The following PCDHGA9 variants were observed in gnomAD, a reference collection of about 807,000 sequenced individuals.
PCDHGA9 encodes the protein protocadherin gamma subfamily A, 9.
A neutral mutation model predicts 62.5 loss-of-function variants in PCDHGA9; 37 were observed. That is an observed-to-expected ratio of 0.59 (90% CI 0.46 to 0.78). The LOEUF (loss-of-function observed/expected upper bound fraction) is 0.78. Among genes scored for constraint, PCDHGA9 ranks in the 30% least tolerant of loss-of-function variants. The probability of loss-of-function intolerance (pLI) is 0.00; values close to 1 mark genes in which losing one functional copy is unlikely to be tolerated. For missense variants in PCDHGA9, 1,138 were observed against 1,166.2 expected (o/e 0.98, Z 0.35); for synonymous variants, 459 against 484.6 (o/e 0.95, Z 0.69).
In PCDHGA9 at chr5:141,461,830, C is replaced by CT. The variant is rs1030113508; in HGVS notation, c.2425-32967dup. On this transcript the variant is annotated intron_variant, in intron 1 of 3. Transcript: ENST00000573521. Reference sequence around the variant, plus strand: ...CACCACACCCAGCTAATTTTTTTTTCTTTTTTTTTTGAGACAGAGTTTTGC... The same window carrying CT: ...CACCACACCCAGCTAATTTTTTTTTCTTTTTTTTTTTGAGACAGAGTTTTGC... Among the ~76,000 whole-genome samples, 192 of 145,246 alleles carry CT rather than the reference C, an allele frequency of 1.3e-3. 1 individual carries two copies. In the Middle Eastern group the frequency reaches 0.022, roughly 16 times the overall value.
rs761396116 is a variant in PCDHGA9 at position 141,409,790 on chromosome 5, C to T, written c.2424+4414C>T. 4 of 1,612,010 alleles carry T rather than the reference C, an allele frequency of 2.5e-6. No homozygotes were observed. The Admixed American group carries it at 5.0e-5, about 20-fold the overall frequency. ...TCACGAGCAGCTGCGCGCCTTCGCGCTCACGCTGCAGGCCCGCGACCACGG... is the reference window on the plus strand; with the variant it reads ...TCACGAGCAGCTGCGCGCCTTCGCGTTCACGCTGCAGGCCCGCGACCACGG... On this transcript the variant is annotated intron_variant, in intron 1 of 3. Transcript: ENST00000573521.
intron 1 of PCDHGA9, among the ~76,000 whole-genome samples, chr5:141,458,513 G>T (rs968604511): frequency 6.8e-6 from 1 of 146,128 alleles, no homozygotes; most frequent in Non-Finnish European, 1.5e-5. Flanking sequence ...TTGACACTTT[G>T]TTTTTTTTTT....
chr5:141,436,859 A>T (rs550974791), intron 1 of PCDHGA9, among the ~76,000 whole-genome samples: 1 of 152,250 alleles, frequency 6.6e-6, no homozygotes, highest in Non-Finnish European at 1.5e-5. Flanking sequence ...TTGAGAAGCC[A>T]CAGTTTTAGG....
At chr5:141,496,509 C>A (rs955577717) in intron 2 of PCDHGA9, among the ~76,000 whole-genome samples, 3 of 152,168 alleles carry the variant, frequency 2.0e-5, no homozygotes, top group Non-Finnish European at 4.4e-5. Context: ...GCCACAAGGA[C>A]CCAGGAGCCC....
At chr5:141,461,974 C>T (rs2099027742) in intron 1 of PCDHGA9, among the ~76,000 whole-genome samples, 1 of 152,202 alleles carries the variant, frequency 6.6e-6, no homozygotes, top group Non-Finnish European at 1.5e-5. Context: ...CAGGCATATG[C>T]CACCACGCCA....
chr5:141,452,888 C>T (rs62379168), intron 1 of PCDHGA9, among the ~76,000 whole-genome samples: 13,856 of 152,130 alleles, frequency 0.091, 849 homozygotes, highest in African/African-American at 0.17. Flanking sequence ...TAATTTATTC[C>T]ACTTTTATTA....
In PCDHGA9 at chr5:141,431,561, G is replaced by T; in HGVS notation, c.2424+26185G>T. The T allele has an allele frequency of 6.2e-7, 1 of 1,614,146 alleles. No homozygotes were observed. On this transcript the variant is annotated intron_variant, in intron 1 of 3. Transcript: ENST00000573521. This position sits in a 1 kb window ranked among gnomAD's most constrained non-coding sequence, Gnocchi z 4.8. Reference sequence around the variant, plus strand: ...GCAGCTGCTTGTAGTCAACGCTACCGACCCTGACGAAGGAGTCAATGCGGA... The same window carrying T: ...GCAGCTGCTTGTAGTCAACGCTACCTACCCTGACGAAGGAGTCAATGCGGA...
chr5:141,466,375 C>A (rs2099121518), intron 1 of PCDHGA9, among the ~76,000 whole-genome samples: 1 of 152,042 alleles, frequency 6.6e-6, no homozygotes, highest in Non-Finnish European at 1.5e-5. Context: ...GGTTTTGGCA[C>A]CCATCTAATG....
Position 141,404,083 on chromosome 5 carries a change from G to A in PCDHGA9, c.1131G>A (p.Gly377=), listed in dbSNP as rs761560113. 4.3e-6 allele frequency: 7 copies of A among 1,613,736 alleles called. No individual in the cohort carries two copies. Among genetic ancestry groups the A allele is most frequent in the Admixed American group, 3.3e-5 (2 of 60,016 alleles). The stretch of plus-strand genomic sequence containing the variant: ...TCAATGCTCATGACCGAGACTCCGG[G>A]AAGAATGGTCAAGTTGTCTGTTCTA... ...LLFNAHDRDS[G]KNGQVVCSIQ... The change falls in exon 1 of 4, where the codon GGG becomes GGA. Residue 377 remains glycine (G), a synonymous_variant. Transcript: ENST00000573521.
At chr5:141,410,830 G>T in intron 1 of PCDHGA9, 11 of 332,874 alleles carry the variant, frequency 3.3e-5, no homozygotes, top group East Asian at 5.9e-5. Context: ...TCACCAGACT[G>T]AAGATATTTT....
intron 1 of PCDHGA9, among the ~76,000 whole-genome samples, chr5:141,472,980 C>CAAAAAAAAAAAAAAAA (rs60579131): frequency 2.8e-4 from 24 of 86,024 alleles, no homozygotes; most frequent in East Asian, 1.2e-3. Context: ...GAGTGAAACT[C>CAAAAAAAAAAAAAAAA]AAAAAAAAAA....
At chr5:141,497,848 T>C (rs2099779951) in intron 2 of PCDHGA9, among the ~76,000 whole-genome samples, 1 of 152,178 alleles carries the variant, frequency 6.6e-6, no homozygotes, top group South Asian at 2.1e-4. Flanking sequence ...AACAAACATT[T>C]TTGATTCAGC....
At position 141,403,374 on chromosome 5, in the gene PCDHGA9, A is replaced by G. The variant is rs1448394920; in HGVS notation, c.422A>G (p.Lys141Arg). 3.1e-6 allele frequency: 5 copies of G among 1,613,936 alleles called. No individual in the cohort carries two copies. The African/African-American group carries it at 6.7e-5, about 22-fold the overall frequency. ...TTCCAGGCCGAAAGTCTGGAAGTAA[A>G]AATTAACGAAATCGCGGTTCCTGGA... The part of the protein sequence containing the change: ...PKFQAESLEV[K>R]INEIAVPGAR... The change falls in exon 1 of 4, where the codon AAA becomes AGA. Residue 141 changes from lysine to arginine, a missense_variant. Transcript: ENST00000573521.
rs530194567 is a variant in PCDHGA9, at chr5:141,417,884, C to G, written c.2424+12508C>G. On this transcript the variant is annotated intron_variant, in intron 1 of 3. Transcript: ENST00000573521. ...GATGGGAGGGAGCTGCGCGCAGAGG[C>G]GCCGGGCCGGCCCGCGGCAGGTACT... 2.1e-4 allele frequency: 327 copies of G among 1,561,600 alleles called. No individual in the cohort carries two copies. In the South Asian group the frequency reaches 3.4e-3, roughly 16 times the overall value.
intron 1 of PCDHGA9, among the ~76,000 whole-genome samples, chr5:141,471,887 G>T (rs1215891997): frequency 6.6e-6 from 1 of 152,152 alleles, no homozygotes; most frequent in African/African-American, 2.4e-5. Context: ...CTGAAGCTAG[G>T]AAGATTGACT....
Position 141,402,945 on chromosome 5 carries a change from A to T in PCDHGA9, c.-8A>T, listed in dbSNP as rs2094324619. On this transcript the variant is annotated 5_prime_UTR_variant, in exon 1 of 4. Coordinates refer to ENST00000573521, the MANE Select transcript of PCDHGA9 (RefSeq NM_018921.3). ...ATCCTTTTGAGAAAATTCCAAAGCG[A>T]GGCAGCAATGGCAGCTCCAACCAAA... 2 of 1,593,720 alleles carry T rather than the reference A, an allele frequency of 1.3e-6. No individual in the cohort carries two copies. The highest frequency in any genetic ancestry group is 3.6e-5 in the Admixed American group (2 of 56,142).
chr5:141,478,911 T>TA, intron 1 of PCDHGA9: 1 of 871,162 alleles, frequency 1.1e-6, no homozygotes, highest in Non-Finnish European at 1.7e-6. Flanking sequence ...AGCTGCTGGA[T>TA]ACCTCTAACC....
intron 1 of PCDHGA9, chr5:141,423,443 C>A: frequency 6.2e-7 from 1 of 1,613,998 alleles, no homozygotes; most frequent in Non-Finnish European, 8.5e-7. Flanking sequence ...ATGCCCACGT[C>A]ACATTTTGTA....
At position 141,421,063 on chromosome 5, in the gene PCDHGA9, G is replaced by A. The variant is rs575695102; in HGVS notation, c.2424+15687G>A. 4.7e-4 allele frequency: 274 copies of A among 581,982 alleles called. 4 individuals are homozygous for A. The South Asian group carries it at 6.4e-3, about 14-fold the overall frequency. 36.1% of individuals were successfully genotyped at this position (581,982 alleles called of 1,614,324 possible). On this transcript the variant is annotated intron_variant, in intron 1 of 3. Transcript: ENST00000573521. ...CTCCCCCGCCTCTACCACACAAAGC[G>A]GAATGAGATGGATACTCACAGATCC... is the stretch of plus-strand genomic sequence containing the variant.
Sources: allele counts gnomAD v4.1 joint callset (sites outside exome capture counted in the v4.1 genomes callset), GRCh38; gene constraint gnomAD v4.1.1; non-coding constraint Gnocchi (gnomAD v3.1); transcripts MANE v1.5; gene names NCBI Gene and HGNC (gene_info 2026-07-23, HGNC 2026-07-21).